The following TOX4 variants were observed in gnomAD, a reference collection of about 807,000 sequenced individuals.
The protein encoded by TOX4 is epidermal Langerhans cell protein LCP1.
In TOX4, 12 loss-of-function variants were observed where a neutral mutation model predicts 61.0. That is an observed-to-expected ratio of 0.20 (90% confidence interval 0.13 to 0.32). TOX4 has a LOEUF of 0.32. Ranked by LOEUF, TOX4 falls within the 10% of genes least tolerant of loss-of-function variation. The pLI is 1.00. For synonymous variants in TOX4, 268 were observed against 274.8 expected (o/e 0.98, Z 0.24); for missense variants, 499 against 753.3 (o/e 0.66, Z 3.95).
intron 5 of TOX4, among the ~76,000 whole-genome samples, chr14:21,490,012 G>A (rs566572668): frequency 4.4e-4 from 66 of 151,696 alleles, no homozygotes; most frequent in African/African-American, 1.2e-3. Context: ...GGAGACCCCC[G>A]TCTCACAGAA....
In TOX4 at chr14:21,489,337, C is replaced by T. The variant is rs1891245051; in HGVS notation, c.744C>T (p.Ala248=). The T allele has an allele frequency of 6.2e-7, 1 of 1,614,146 alleles. No homozygotes were observed. Among genetic ancestry groups the T allele is most frequent in the African/African-American group, 1.3e-5 (1 of 75,044 alleles). The change falls in exon 5 of 9, where the codon GCC becomes GCT. Residue 248 remains alanine, a synonymous_variant. Coordinates refer to ENST00000448790, the MANE Select transcript of TOX4 (RefSeq NM_014828.4). ...CCATCAAGGGACAGAATCCTAATGC[C>T]ACTTTTGGTGAGGTTTCAAAAATTG... The part of the protein sequence containing the change: ...QAAIKGQNPN[A]TFGEVSKIVA...
In TOX4 at chr14:21,498,604, G is replaced by C; in HGVS notation, c.*1998G>C. 1 of 550,604 alleles carries C rather than the reference G, an allele frequency of 1.8e-6. No homozygotes were observed. The highest frequency in any genetic ancestry group is 3.2e-6 in the Non-Finnish European group (1 of 313,378). 34.1% of individuals were successfully genotyped at this position (550,604 alleles called of 1,614,324 possible). Reference sequence around the variant, plus strand: ...TCTGAGGGTTAGTAACTAATGCTTAGCCAGGCCTGCTTCACAGAGTTGCTA... The same window carrying C: ...TCTGAGGGTTAGTAACTAATGCTTACCCAGGCCTGCTTCACAGAGTTGCTA... On this transcript the variant is annotated 3_prime_UTR_variant, in exon 9 of 9. Transcript: ENST00000448790.
At chr14:21,491,132 TTTC>T (rs1373583812) in intron 5 of TOX4, among the ~76,000 whole-genome samples, 5 of 40,474 alleles carry the variant, frequency 1.2e-4, no homozygotes, top group South Asian at 8.7e-4. Flanking sequence ...GCCTATTTTT[TTTC>T]TTTCTTTTTC....
intron 7 of TOX4, among the ~76,000 whole-genome samples, chr14:21,494,881 A>G (rs1199849124): frequency 2.0e-5 from 3 of 151,976 alleles, no homozygotes; most frequent in Admixed American, 6.6e-5. Flanking sequence ...ATTGTGCCAC[A>G]GCACTCCAGC....
rs978852840 is a variant in TOX4 at position 21,498,182 on chromosome 14, A to G, written c.*1576A>G. 8 of 819,078 alleles carry G rather than the reference A, an allele frequency of 9.8e-6. No individual in the cohort carries two copies. In the African/African-American group the frequency reaches 1.0e-4, roughly 10 times the overall value. The allele number at this position is 819,078 out of a possible 1,614,324, so 50.7% of individuals were successfully genotyped here. On this transcript the variant is annotated 3_prime_UTR_variant, in exon 9 of 9. Transcript: ENST00000448790. ...GTTTATTTAAATAAAGAAGAAAGCT[A>G]TTGTACAAATATCACTCTTCAGGTT...
intron 2 of TOX4, among the ~76,000 whole-genome samples, chr14:21,483,322 C>T (rs1002538328): frequency 2.0e-5 from 3 of 151,534 alleles, no homozygotes; most frequent in Non-Finnish European, 4.4e-5. Context: ...ATTTTGGAAA[C>T]TACTATTTTA....
chr14:21,489,912 T>C (rs1303546795), intron 5 of TOX4, among the ~76,000 whole-genome samples: 1 of 151,404 alleles, frequency 6.6e-6, no homozygotes, highest in Non-Finnish European at 1.5e-5. Flanking sequence ...CTGAGTGTGG[T>C]GGCTCATGCT....
intron 2 of TOX4, among the ~76,000 whole-genome samples, chr14:21,480,701 C>T (rs113118821): frequency 0.015 from 2,243 of 152,180 alleles, 39 homozygotes; most frequent in African/African-American, 0.052. Context: ...AATAGGCATT[C>T]CACAGACTGG....
At position 21,497,236 on chromosome 14, in the gene TOX4, A is replaced by G. The variant is rs1487487874; in HGVS notation, c.*630A>G. On this transcript the variant is annotated 3_prime_UTR_variant, in exon 9 of 9. Coordinates refer to ENST00000448790, the MANE Select transcript of TOX4 (RefSeq NM_014828.4). ...TACATCATTAGTAAGAGGTTCCACC[A>G]AAGTCTAAAGTTGTATTCACTTGTG... is the stretch of plus-strand genomic sequence containing the variant. The G allele has an allele frequency of 6.6e-6, 1 of 152,264 alleles. No individual in the cohort carries two copies. Among genetic ancestry groups the G allele is most frequent in the Non-Finnish European group, 1.5e-5 (1 of 68,084 alleles). 9.4% of individuals were successfully genotyped at this position (152,264 alleles called of 1,614,324 possible). A position where few individuals can be genotyped will look rare whatever the true frequency, so the allele number is the denominator to read the frequency against.
chr14:21,481,665 T>C (rs949935883), intron 2 of TOX4, among the ~76,000 whole-genome samples: 1 of 152,220 alleles, frequency 6.6e-6, no homozygotes, highest in African/African-American at 2.4e-5. Flanking sequence ...AACTTTATTC[T>C]TACTAGCTTA....
Position 21,498,321 on chromosome 14 carries a change from A to T in TOX4, c.*1715A>T. The T allele has an allele frequency of 6.2e-7, 1 of 1,614,194 alleles. No individual in the cohort carries two copies. Among genetic ancestry groups the T allele is most frequent in the Non-Finnish European group, 8.5e-7 (1 of 1,180,020 alleles). ...ACCTTTGCTTGAACCGTGCAACCAC[A>T]TCTGGGTCTAGTAGGTGGATCCCAT... On this transcript the variant is annotated 3_prime_UTR_variant, in exon 9 of 9. Coordinates refer to ENST00000448790, the MANE Select transcript of TOX4 (RefSeq NM_014828.4).
chr14:21,489,039 A>G (rs867442223), intron 4 of TOX4, 134 bp from the exon 5 acceptor site: 3 of 1,226,264 alleles, frequency 2.4e-6, no homozygotes, highest in Middle Eastern at 3.9e-4. Flanking sequence ...TTGGTTCTCC[A>G]TATTTGACTA....
chr14:21,481,629 A>G (rs770944228), intron 2 of TOX4, among the ~76,000 whole-genome samples: 1 of 152,234 alleles, frequency 6.6e-6, no homozygotes, highest in African/African-American at 2.4e-5. Flanking sequence ...ATGATTGCAT[A>G]TGTTCACCAA....
At chr14:21,494,648 G>A (rs1335955759) in intron 7 of TOX4, among the ~76,000 whole-genome samples, 2 of 152,100 alleles carry the variant, frequency 1.3e-5, no homozygotes, top group Non-Finnish European at 2.9e-5. Flanking sequence ...TACTCTGGAG[G>A]CTGAGGCAGG....
intron 5 of TOX4, among the ~76,000 whole-genome samples, chr14:21,490,809 G>C (rs1891274957): frequency 6.6e-6 from 1 of 152,188 alleles, no homozygotes; most frequent in Non-Finnish European, 1.5e-5. Flanking sequence ...CCACTACCAA[G>C]TTTGGATTTA....
chr14:21,489,657 C>T (rs926278384), intron 5 of TOX4, among the ~76,000 whole-genome samples: 5 of 152,108 alleles, frequency 3.3e-5, no homozygotes, highest in African/African-American at 9.6e-5. Context: ...CAGCTCACTG[C>T]AAGCTCCGCC....
chr14:21,498,385 A>G lies in TOX4; in HGVS notation c.*1779A>G. The G allele has an allele frequency of 6.2e-7, 1 of 1,612,836 alleles. No individual in the cohort carries two copies. Among genetic ancestry groups the G allele is most frequent in the African/African-American group, 1.3e-5 (1 of 74,990 alleles). ...AAGGGTGATCCTGAAACAGTGTAAA[A>G]GGAGGGGCAAACCAGAAATCCTGGA... On this transcript the variant is annotated 3_prime_UTR_variant, in exon 9 of 9. Transcript: ENST00000448790.
At position 21,492,583 on chromosome 14, in the gene TOX4, G is replaced by A. The variant is rs199731387; in HGVS notation, c.967G>A (p.Asp323Asn). Reference protein sequence around the residue: ...TPSPPPMATVDPASPAPASIE... With the variant: ...TPSPPPMATVNPASPAPASIE... ...TTCTCCACCTCCTATGGCTACTGTT[G>A]ACCCAGCATCTCCAGCACCAGCTTC... is the stretch of plus-strand genomic sequence containing the variant. Residue 323 changes from aspartate to asparagine, a missense_variant, in exon 7 of 9, where the codon GAC becomes AAC. By Grantham distance (23) the Asp-to-Asn change is conservative. This residue lies in a region of TOX4 where 296 missense variants were observed against 404.7 expected (regional missense o/e 0.73). Transcript: ENST00000448790. 1.9e-5 allele frequency: 30 copies of A among 1,613,812 alleles called. 1 individual carries two copies. In the East Asian group the frequency reaches 6.7e-4, roughly 36 times the overall value.
chr14:21,488,056 A>G lies in TOX4; in HGVS notation c.318+363A>G, dbSNP rs539038322. ...GCCTGAATCACGTTGAGCAGCCAGC[A>G]GAACAGAGCTTAAAAAAAAAAAAAA... On this transcript the variant is annotated intron_variant, in intron 3 of 8. Transcript: ENST00000448790. 8.7e-3 allele frequency: 1,297 copies of G among 149,844 alleles called. 12 individuals are homozygous for G. Among genetic ancestry groups the G allele is most frequent in the Non-Finnish European group, 0.012 (887 of 77,064 alleles). 9.3% of individuals were successfully genotyped at this position (149,844 alleles called of 1,614,324 possible).
Sources: allele counts gnomAD v4.1 joint callset (sites outside exome capture counted in the v4.1 genomes callset), GRCh38; gene constraint gnomAD v4.1.1; regional missense constraint gnomAD v4.1.1; transcripts MANE v1.5; gene names NCBI Gene and HGNC (gene_info 2026-07-23, HGNC 2026-07-21).